Variants in LUZP4 observed in about 807,000 individuals in gnomAD.
The protein encoded by LUZP4 is leucine zipper protein 4.
LUZP4 carries 11 observed loss-of-function variants against 8.5 expected under a neutral mutation model. The ratio of observed to expected loss-of-function variants is 1.30; its 90% CI spans 0.82 to 2.14. LUZP4 has a LOEUF of 2.14. LUZP4 is among the 30% of genes most tolerant of loss of function. LUZP4 has a pLI of 0.00. For synonymous variants in LUZP4, 104 were observed against 79.4 expected (o/e 1.31, Z -1.65); for missense variants, 276 against 229.7 (o/e 1.20, Z -1.30).
chrX:115,306,607 CA>C lies in LUZP4; in HGVS notation c.746del (p.Gln249ArgfsTer5). The C allele has an allele frequency of 8.3e-7, 1 of 1,209,535 alleles. No individual in the cohort carries two copies. The highest frequency in any genetic ancestry group is 1.1e-6 in the Non-Finnish European group (1 of 895,120). Reference protein sequence around the residue: ...VDTQSDLIATQRDLIATQKDL... With the variant: ...VDTQSDLIATXRDLIATQKDL... ...CACTCAGAGTGATCTCATAGCCACT[CA>C]GAGAGATCTCATAGCCACTCAGAAA... is the stretch of plus-strand genomic sequence containing the variant. On this transcript the variant is annotated frameshift_variant, in exon 4 of 4. Transcript: ENST00000371920. LOFTEE classifies it low-confidence loss of function (END_TRUNC).
chrX:115,295,032 A>G (rs1424521858), intron 1 of LUZP4, among the ~76,000 whole-genome samples: 1 of 112,200 alleles, frequency 8.9e-6, no homozygotes, highest in Non-Finnish European at 1.9e-5. Flanking sequence ...GAGGAACAGC[A>G]AAACTTTCGA....
In LUZP4 at chrX:115,307,348, A is replaced by G; in HGVS notation, c.*544A>G. 1 of 119,752 alleles carries G rather than the reference A, an allele frequency of 8.4e-6. No individual in the cohort carries two copies. The highest frequency in any genetic ancestry group is 1.8e-5 in the Non-Finnish European group (1 of 56,852). The allele number at this position is 119,752 out of a possible 1,213,427, so 9.9% of individuals were successfully genotyped here. On this transcript the variant is annotated 3_prime_UTR_variant, in exon 4 of 4. Coordinates refer to ENST00000371920, the MANE Select transcript of LUZP4 (RefSeq NM_016383.5). ...CAAATCAGACCATATGAGAGGATAT[A>G]TTCTATGCATAGATGTAATGCTAAC...
chrX:115,294,677 T>C (rs1282430890), intron 1 of LUZP4, among the ~76,000 whole-genome samples: 5 of 111,670 alleles, frequency 4.5e-5, no homozygotes, highest in African/African-American at 6.5e-5. Context: ...CTGAGAGAGA[T>C]GGTGGTGTCG....
At chrX:115,289,984 C>T in intron 1 of LUZP4, 134 bp downstream of exon 1, 1 of 435,469 alleles carries the variant, frequency 2.3e-6, no homozygotes, top group Non-Finnish European at 4.0e-6. Context: ...CCCTTCAGGG[C>T]ATCTCCGCAC....
chrX:115,300,788 C>A (rs1002426496), intron 1 of LUZP4, among the ~76,000 whole-genome samples: 1 of 22,761 alleles, frequency 4.4e-5, no homozygotes, highest in Non-Finnish European at 1.1e-4. Context: ...GTCATTGCTG[C>A]CGGGAGTTGG....
intron 1 of LUZP4, among the ~76,000 whole-genome samples, chrX:115,298,573 TG>T (rs782360193): frequency 2.8e-3 from 316 of 112,904 alleles, no homozygotes; most frequent in African/African-American, 9.8e-3. Context: ...AGATTTATTC[TG>T]CTATTAAAGG....
intron 1 of LUZP4, among the ~76,000 whole-genome samples, chrX:115,296,937 T>C (rs998579734): frequency 1.1e-4 from 12 of 111,745 alleles, no homozygotes; most frequent in African/African-American, 3.9e-4. Context: ...ATTATTGTAA[T>C]TGTTTATTAT....
At chrX:115,299,845 C>T (rs182844667) in intron 1 of LUZP4, among the ~76,000 whole-genome samples, 3 of 111,921 alleles carry the variant, frequency 2.7e-5, no homozygotes, top group African/African-American at 9.7e-5. Context: ...AGGCTCTCAA[C>T]ATAGTACCTG....
At chrX:115,301,860 T>C (rs1420917924) in intron 1 of LUZP4, 132 bp from the exon 2 acceptor site, 3 of 336,630 alleles carry the variant, frequency 8.9e-6, no homozygotes, top group Non-Finnish European at 1.5e-5. Context: ...AATTTATTAT[T>C]ATTATTATCA....
At position 115,307,373 on chromosome X, in the gene LUZP4, CCTT is replaced by C. The variant is rs1289849512; in HGVS notation, c.*572_*574del. ...ATTCTATGCATAGATGTAATGCTAA[CCTT>C]CTGAATATATTTTGAATACATTTAT... On this transcript the variant is annotated 3_prime_UTR_variant, in exon 4 of 4. Coordinates refer to ENST00000371920, the MANE Select transcript of LUZP4 (RefSeq NM_016383.5). The C allele has an allele frequency of 2.6e-5, 3 of 114,932 alleles. No homozygotes were observed. The highest frequency in any genetic ancestry group is 9.8e-5 in the African/African-American group (3 of 30,663). The allele number at this position is 114,932 out of a possible 1,213,427, so 9.5% of individuals were successfully genotyped here. A position where few individuals can be genotyped will look rare whatever the true frequency, so the allele number is the denominator to read the frequency against.
intron 1 of LUZP4, among the ~76,000 whole-genome samples, chrX:115,290,183 C>T (rs782649859): frequency 9.0e-5 from 10 of 111,528 alleles, no homozygotes; most frequent in Non-Finnish European, 1.5e-4. Flanking sequence ...ATTTTACTCT[C>T]CTAAGAATTG....
chrX:115,295,064 G>C lies in LUZP4; in HGVS notation c.91+5214G>C, dbSNP rs1270698478. Among the ~76,000 whole-genome samples, 4 of 111,320 alleles carry C rather than the reference G, an allele frequency of 3.6e-5. No individual in the cohort carries two copies. The South Asian group carries it at 1.5e-3, about 43-fold the overall frequency. Reference sequence around the variant, plus strand: ...TCGACTAGTTATCACAGGCCCTTGCGGTTTATTTTATTTTTACTTTTATTT... The same window carrying C: ...TCGACTAGTTATCACAGGCCCTTGCCGTTTATTTTATTTTTACTTTTATTT... On this transcript the variant is annotated intron_variant, in intron 1 of 3. Transcript: ENST00000371920.
At position 115,303,349 on chromosome X, in the gene LUZP4, A is replaced by G. The variant is rs1442888861; in HGVS notation, c.273A>G (p.Lys91=). 9 of 1,199,267 alleles carry G rather than the reference A, an allele frequency of 7.5e-6. No homozygotes were observed. The highest frequency in any genetic ancestry group is 9.0e-6 in the Non-Finnish European group (8 of 889,843). Residue 91 remains lysine, a synonymous_variant, in exon 3 of 4, where the codon AAA becomes AAG. Coordinates refer to ENST00000371920, the MANE Select transcript of LUZP4 (RefSeq NM_016383.5). ...CTGAGGAAGGAAATCATGATAAAAA[A>G]CCATCCCAAAAACCTTCTGGATTCA... ...SNSEEGNHDK[K]PSQKPSGFKS...
intron 1 of LUZP4, among the ~76,000 whole-genome samples, chrX:115,297,981 T>G (rs1170966493): frequency 9.2e-6 from 1 of 108,166 alleles, no homozygotes; most frequent in African/African-American, 3.4e-5. Flanking sequence ...GCTCAGCTAA[T>G]TTTTGTATTT....
Position 115,306,624 on chromosome X carries a change from C to G in LUZP4, c.762C>G (p.Ala254=). Residue 254 remains alanine, a synonymous_variant, in exon 4 of 4, where the codon GCC becomes GCG. Coordinates refer to ENST00000371920, the MANE Select transcript of LUZP4 (RefSeq NM_016383.5). ...DLIATQRDLI[A]TQKDLIATQR... ...TAGCCACTCAGAGAGATCTCATAGC[C>G]ACTCAGAAAGATCTCATAGCCACTC... is the stretch of plus-strand genomic sequence containing the variant. The G allele has an allele frequency of 8.3e-7, 1 of 1,209,995 alleles. No individual in the cohort carries two copies. The highest frequency in any genetic ancestry group is 3.0e-5 in the East Asian group (1 of 33,748).
chrX:115,301,911 GAGATA>G (rs2073398901), intron 1 of LUZP4, 76 bp from the exon 2 acceptor site: 1 of 557,354 alleles, frequency 1.8e-6, no homozygotes, highest in Non-Finnish European at 2.7e-6. Context: ...GAAATATGAT[GAGATA>G]AGATATAGAT....
At chrX:115,301,899 C>G in intron 1 of LUZP4, 93 bp from the exon 2 acceptor site, 1 of 511,810 alleles carries the variant, frequency 2.0e-6, no homozygotes, top group East Asian at 4.2e-5. Flanking sequence ...TTTAGGTATT[C>G]TGAAATATGA....
At position 115,290,783 on chromosome X, in the gene LUZP4, AG is replaced by A. The variant is rs781929548; in HGVS notation, c.91+937del. The stretch of plus-strand genomic sequence containing the variant: ...AAAACAGAAAAGGGCTACTTTAGTT[AG>A]GGGTGTGTGTGTGTGTGTGAAACGT... On this transcript the variant is annotated intron_variant, in intron 1 of 3. Transcript: ENST00000371920. Among the ~76,000 whole-genome samples the A allele has an allele frequency of 3.7e-5, 4 of 109,180 alleles. No individual in the cohort carries two copies. The South Asian group carries it at 1.6e-3, about 43-fold the overall frequency. 94.8% of individuals were successfully genotyped at this position (109,180 alleles called of 115,157 possible). A position where few individuals can be genotyped will look rare whatever the true frequency, so the allele number is the denominator to read the frequency against.
chrX:115,300,305 A>G (rs1178297706), intron 1 of LUZP4, among the ~76,000 whole-genome samples: 6 of 112,212 alleles, frequency 5.3e-5, no homozygotes, highest in African/African-American at 1.9e-4. Context: ...GGTGTTTCCA[A>G]TCTTTTGGCT....
Sources: allele counts gnomAD v4.1 joint callset (sites outside exome capture counted in the v4.1 genomes callset), GRCh38; gene constraint gnomAD v4.1.1; transcripts MANE v1.5; gene names NCBI Gene and HGNC (gene_info 2026-07-23, HGNC 2026-07-21).